Variants in REELD1 observed in about 807,000 individuals in gnomAD.
The protein encoded by REELD1 is reeler domain containing 1.
Under a neutral mutation model 6.3 loss-of-function variants are expected in REELD1, and 12 were observed. The observed-to-expected ratio is 1.89, with a 90% CI of 1.21 to 3.07. REELD1 has a LOEUF of 3.07. REELD1 is among the 30% of genes most tolerant of loss of function. The pLI is 0.00. For missense variants in REELD1, 163 were observed against 86.8 expected, an observed-to-expected ratio of 1.88 and a Z score of -3.49; for synonymous variants, 57 against 33.6, an observed-to-expected ratio of 1.70 and a Z score of -2.42.
At chr4:146,223,511 G>A (rs1301637098) in intron 4 of REELD1, among the ~76,000 whole-genome samples, 2 of 152,222 alleles carry the variant, frequency 1.3e-5, no homozygotes, top group African/African-American at 4.8e-5. Flanking sequence ...GCAGCGCAGA[G>A]GGTGTCTGCT....
At chr4:146,228,595 T>A in intron 6 of REELD1, 73 bp downstream of exon 6, 1 of 615,566 alleles carries the variant, frequency 1.6e-6, no homozygotes, top group Non-Finnish European at 2.9e-6. Context: ...TCATGTGGAG[T>A]CTGACAAAAA....
chr4:146,217,639 G>A (rs1251393873), intron 3 of REELD1, among the ~76,000 whole-genome samples: 1 of 152,108 alleles, frequency 6.6e-6, no homozygotes, highest in African/African-American at 2.4e-5. Context: ...TATTAATTGT[G>A]ATCTGTATAA....
chr4:146,221,848 ACT>A (rs909610873), intron 3 of REELD1, among the ~76,000 whole-genome samples: 3 of 151,134 alleles, frequency 2.0e-5, no homozygotes, highest in African/African-American at 7.3e-5. Flanking sequence ...ACGGAGCGAG[ACT>A]CTGTCTCAAA....
At chr4:146,228,665 T>A (rs1731071925) in intron 6 of REELD1, 143 bp downstream of exon 6, 2 of 592,728 alleles carry the variant, frequency 3.4e-6, no homozygotes, top group South Asian at 4.3e-5. Flanking sequence ...CAGGGCTACT[T>A]GTCAGAAGGA....
chr4:146,220,986 G>C (rs991590632), intron 3 of REELD1, among the ~76,000 whole-genome samples: 2 of 152,198 alleles, frequency 1.3e-5, no homozygotes, highest in Admixed American at 1.3e-4. Flanking sequence ...TGTCAGTGGG[G>C]AAAATTCCTA....
At position 146,230,277 on chromosome 4, in the gene REELD1, T is replaced by G. The variant is rs1221608543; in HGVS notation, c.1345T>G (p.Cys449Gly). The G allele has an allele frequency of 2.5e-6, 1 of 398,774 alleles. No individual in the cohort carries two copies. The highest frequency in any genetic ancestry group is 2.1e-5 in the African/African-American group (1 of 48,648). 24.7% of individuals were successfully genotyped at this position (398,774 alleles called of 1,614,324 possible). A position where few individuals can be genotyped will look rare whatever the true frequency, so the allele number is the denominator to read the frequency against. ...AACTCCTCAGCTGGGAATTCTGCTT[T>G]GCCTGTCAGCCACCCTGGGCATGGC... ...LRTPQLGILL[C>G]LSATLGMALA... Residue 449 changes from cysteine to glycine, a missense_variant, in exon 8 of 8, where the codon TGC becomes GGC. Physicochemically the swap from Cys to Gly is radical, Grantham distance 159. Coordinates refer to ENST00000623665, the MANE Select transcript of REELD1 (RefSeq NM_001354631.1).
intron 5 of REELD1, among the ~76,000 whole-genome samples, chr4:146,227,823 G>A (rs139328305): frequency 6.6e-6 from 1 of 152,146 alleles, no homozygotes; most frequent in Non-Finnish European, 1.5e-5. Flanking sequence ...TTAATATTAG[G>A]GCAAGAAAGA....
intron 3 of REELD1, among the ~76,000 whole-genome samples, chr4:146,221,500 C>T (rs924842723): frequency 6.6e-6 from 1 of 152,156 alleles, no homozygotes; most frequent in African/African-American, 2.4e-5. Flanking sequence ...TGCTTACAAC[C>T]ACACATTTTA....
chr4:146,222,706 G>A (rs1478151609), intron 4 of REELD1, 127 bp downstream of exon 4: 1 of 396,914 alleles, frequency 2.5e-6, no homozygotes, highest in Admixed American at 4.4e-5. Context: ...GCAAGGACAG[G>A]GTCATGGATG....
At chr4:146,216,671 C>T (rs1190313938) in intron 2 of REELD1, among the ~76,000 whole-genome samples, 1 of 152,200 alleles carries the variant, frequency 6.6e-6, no homozygotes, top group African/African-American at 2.4e-5. Context: ...TAAAGCCTCT[C>T]TTTTGAACAA....
At position 146,230,380 on chromosome 4, in the gene REELD1, C is replaced by T. The variant is rs187220131; in HGVS notation, c.1448C>T (p.Ser483Leu). The change falls in exon 8 of 8, where the codon TCG becomes TTG. Residue 483 changes from serine (S) to leucine (L), a missense_variant. Ser to Leu is a moderately radical substitution (Grantham distance 145, BLOSUM62 -2). Transcript: ENST00000623665. ...GAAGTGTCTTTCAGTGAGCCCGCTT[C>T]GGATGCTGTTGCCAGGAGCAACAGT... is the stretch of plus-strand genomic sequence containing the variant. ...QTEVSFSEPA[S>L]DAVARSNSGE... 7.3e-5 allele frequency: 29 copies of T among 398,780 alleles called. No individual in the cohort carries two copies. The highest frequency in any genetic ancestry group is 5.7e-4 in the Admixed American group (13 of 22,746). 24.7% of individuals were successfully genotyped at this position (398,780 alleles called of 1,614,324 possible). A position where few individuals can be genotyped will look rare whatever the true frequency, so the allele number is the denominator to read the frequency against.
Position 146,228,120 on chromosome 4 carries a change from G to A in REELD1, c.596-90G>A. 1.4e-5 allele frequency: 9 copies of A among 639,342 alleles called. No homozygotes were observed. In the South Asian group the frequency reaches 1.6e-4, roughly 11 times the overall value. The allele number at this position is 639,342 out of a possible 1,614,324, so 39.6% of individuals were successfully genotyped here. A position where few individuals can be genotyped will look rare whatever the true frequency, so the allele number is the denominator to read the frequency against. ...CTCCTTGAGGCATATTAGAGTCACT[G>A]CTGTTTACCCCTGATCATAGCTGTT... On this transcript the variant is annotated intron_variant, in intron 5 of 7. Transcript: ENST00000623665.
In REELD1 at chr4:146,230,522, T is replaced by C; in HGVS notation, c.*9T>C. Reference sequence around the variant, plus strand: ...AGAAAACAGTCCTCTGAGAAGACTGTCACCCCAGACCTCTCAGTGGCCCTC... The same window carrying C: ...AGAAAACAGTCCTCTGAGAAGACTGCCACCCCAGACCTCTCAGTGGCCCTC... On this transcript the variant is annotated 3_prime_UTR_variant, in exon 8 of 8. Coordinates refer to ENST00000623665, the MANE Select transcript of REELD1 (RefSeq NM_001354631.1). 2.5e-6 allele frequency: 1 copy of C among 398,648 alleles called. No homozygotes were observed. Among genetic ancestry groups the C allele is most frequent in the Non-Finnish European group, 4.4e-6 (1 of 226,112 alleles). The allele number at this position is 398,648 out of a possible 1,614,324, so 24.7% of individuals were successfully genotyped here.
intron 2 of REELD1, among the ~76,000 whole-genome samples, 183 bp downstream of exon 2, chr4:146,215,381 T>C (rs1358060089): frequency 6.6e-6 from 1 of 152,238 alleles, no homozygotes; most frequent in Non-Finnish European, 1.5e-5. Flanking sequence ...TGTGTGACTT[T>C]GGTGCTTCAT....
intron 5 of REELD1, among the ~76,000 whole-genome samples, chr4:146,226,604 C>T (rs1366136559): frequency 6.6e-6 from 1 of 152,132 alleles, no homozygotes; most frequent in Non-Finnish European, 1.5e-5. Context: ...TATAAGGCTA[C>T]TAATCCCATT....
chr4:146,227,044 A>G (rs1731035924), intron 5 of REELD1, among the ~76,000 whole-genome samples: 1 of 152,242 alleles, frequency 6.6e-6, no homozygotes, highest in South Asian at 2.1e-4. Context: ...AAGTGCTGGG[A>G]TTACAGGCGC....
intron 5 of REELD1, among the ~76,000 whole-genome samples, chr4:146,227,347 A>C (rs915999464): frequency 2.0e-5 from 3 of 152,196 alleles, no homozygotes; most frequent in Admixed American, 1.3e-4. Flanking sequence ...TACCTCCTCC[A>C]CCCCCATAAA....
chr4:146,220,251 G>T (rs1157508462), intron 3 of REELD1, among the ~76,000 whole-genome samples: 1 of 152,200 alleles, frequency 6.6e-6, no homozygotes, highest in East Asian at 1.9e-4. Context: ...CCCAGCCACA[G>T]AGCTTGTTTT....
intron 4 of REELD1, among the ~76,000 whole-genome samples, chr4:146,223,307 C>T (rs1427444334): frequency 6.6e-6 from 1 of 152,140 alleles, no homozygotes; most frequent in South Asian, 2.1e-4. Flanking sequence ...CCCCTCTGCT[C>T]TGGGGAGCAG....
Sources: allele counts gnomAD v4.1 joint callset (sites outside exome capture counted in the v4.1 genomes callset), GRCh38; gene constraint gnomAD v4.1.1; transcripts MANE v1.5; gene names NCBI Gene and HGNC (gene_info 2026-07-23, HGNC 2026-07-21).